RBM47: variants seen among roughly 807,000 people sequenced by gnomAD.
RBM47 encodes RNA-binding protein 47.
In RBM47, 21 loss-of-function variants were observed where a neutral mutation model predicts 47.1. The ratio of observed to expected loss-of-function variants is 0.45; its 90% CI spans 0.32 to 0.64. The LOEUF is 0.64. RBM47 is among the 30% of genes least tolerant of loss of function. The pLI is 0.05. For missense variants in RBM47, 708 were observed against 870.9 expected, an observed-to-expected ratio of 0.81 and a Z score of 2.35; for synonymous variants, 375 against 361.7, an observed-to-expected ratio of 1.04 and a Z score of -0.42.
intron 2 of RBM47, among the ~76,000 whole-genome samples, chr4:40,514,984 A>G (rs1725403710): frequency 6.6e-6 from 1 of 152,272 alleles, no homozygotes; most frequent in South Asian, 2.1e-4. Context: ...ATGTAGACGC[A>G]GTAGCATCTC....
chr4:40,576,256 T>G (rs13116819), intron 1 of RBM47, among the ~76,000 whole-genome samples: 10,404 of 116,626 alleles, frequency 0.089, 571 homozygotes, highest in African/African-American at 0.21. Flanking sequence ...TTTTTTTTTT[T>G]GGGGGGGGGC....
intron 1 of RBM47, among the ~76,000 whole-genome samples, chr4:40,566,178 TAC>T (rs1731086728): frequency 6.6e-6 from 1 of 152,196 alleles, no homozygotes; most frequent in Non-Finnish European, 1.5e-5. Flanking sequence ...TGGAAGTGGC[TAC>T]ACATTATTGA....
rs1250251569 is a variant in RBM47, at chr4:40,561,552, T to C, written c.-239-17046A>G. On this transcript the variant is annotated intron_variant, in intron 1 of 6. Coordinates refer to ENST00000295971, the MANE Select transcript of RBM47 (RefSeq NM_001098634.2). ...TTTTTGCTTCTTCTTTTCTTTTTTT[T>C]TTCTTTTTTTTTTTTGAGACAGGGT... is the stretch of plus-strand genomic sequence containing the variant. Among the ~76,000 whole-genome samples the C allele has an allele frequency of 3.2e-3, 450 of 142,074 alleles. 8 individuals are homozygous for C. In the East Asian group the frequency reaches 0.056, roughly 18 times the overall value. 93.2% of individuals were successfully genotyped at this position (142,074 alleles called of 152,430 possible). A position where few individuals can be genotyped will look rare whatever the true frequency, so the allele number is the denominator to read the frequency against.
chr4:40,501,056 C>A (rs1002491858), intron 2 of RBM47, among the ~76,000 whole-genome samples: 40 of 150,816 alleles, frequency 2.7e-4, no homozygotes, highest in East Asian at 1.4e-3. Flanking sequence ...AAAAAAAAAA[C>A]AAAACAGCAA....
At chr4:40,488,258 G>A (rs1477679456) in intron 2 of RBM47, among the ~76,000 whole-genome samples, 4 of 147,330 alleles carry the variant, frequency 2.7e-5, no homozygotes, top group Non-Finnish European at 6.0e-5. Context: ...AGGCTGCAGT[G>A]AGCAGAGGTT....
intron 1 of RBM47, among the ~76,000 whole-genome samples, chr4:40,574,845 G>T (rs1369799505): frequency 1.3e-5 from 2 of 152,094 alleles, no homozygotes; most frequent in Admixed American, 6.6e-5. Context: ...GTGAGACTCT[G>T]TATCAAAGAA....
intron 2 of RBM47, among the ~76,000 whole-genome samples, chr4:40,538,328 G>GTTTTTTT (rs34309510): frequency 7.9e-6 from 1 of 125,808 alleles, no homozygotes; most frequent in African/African-American, 3.1e-5. Flanking sequence ...TATTGGTATT[G>GTTTTTTT]TTTTTTTTTT....
At chr4:40,551,540 A>G (rs1729557618) in intron 1 of RBM47, among the ~76,000 whole-genome samples, 1 of 152,186 alleles carries the variant, frequency 6.6e-6, no homozygotes, top group South Asian at 2.1e-4. Flanking sequence ...GGCAAGCAGA[A>G]TCCAGATCTC....
At chr4:40,443,092 A>G (rs1713905799) in intron 3 of RBM47, among the ~76,000 whole-genome samples, 1 of 152,246 alleles carries the variant, frequency 6.6e-6, no homozygotes, top group Admixed American at 6.5e-5. Context: ...TTCCACTTAT[A>G]TAAGGTACCT....
At chr4:40,619,655 C>T (rs1272238445) in intron 1 of RBM47, among the ~76,000 whole-genome samples, 4 of 152,114 alleles carry the variant, frequency 2.6e-5, no homozygotes, top group Admixed American at 6.5e-5. Context: ...CTCCATCTAG[C>T]GAAGATGGAC....
chr4:40,432,970 C>A (rs1443135167), intron 5 of RBM47, 108 bp from the exon 6 acceptor site: 2 of 1,432,778 alleles, frequency 1.4e-6, no homozygotes, highest in Non-Finnish European at 1.8e-6. Flanking sequence ...AAAAACTTTT[C>A]TTTTTTTTGA....
intron 1 of RBM47, among the ~76,000 whole-genome samples, chr4:40,548,992 G>C (rs1314438190): frequency 6.6e-6 from 1 of 151,720 alleles, no homozygotes; most frequent in East Asian, 1.9e-4. Context: ...TGATCAATGA[G>C]AAAATGAGTT....
At chr4:40,481,609 T>C (rs559764579) in intron 2 of RBM47, among the ~76,000 whole-genome samples, 1 of 149,948 alleles carries the variant, frequency 6.7e-6, no homozygotes, top group African/African-American at 2.5e-5. Context: ...TAGAGTGCAG[T>C]GGCATGATCT....
chr4:40,600,591 T>G (rs1444950671), intron 1 of RBM47, among the ~76,000 whole-genome samples: 16 of 143,270 alleles, frequency 1.1e-4, no homozygotes, highest in African/African-American at 2.6e-4. Context: ...CGGAGATCGC[T>G]CCACTGCACT....
rs894735137 is a variant in RBM47, at chr4:40,628,240, T to G, written c.-240+1156A>C. 6.6e-6 allele frequency among the ~76,000 whole-genome samples: 1 copy of G among 152,094 alleles called. No individual in the cohort carries two copies. The highest frequency in any genetic ancestry group is 6.6e-5 in the Admixed American group (1 of 15,252). ...AAAAAATATTAAAAACCAAACCATC[T>G]CCTCCTTTCTTTTTTTCCTTCTGTT... On this transcript the variant is annotated intron_variant, in intron 1 of 6. Coordinates refer to ENST00000295971, the MANE Select transcript of RBM47 (RefSeq NM_001098634.2). This position sits in a 1 kb window ranked among gnomAD's most constrained non-coding sequence, Gnocchi z 4.0.
At chr4:40,573,580 A>C (rs1230946471) in intron 1 of RBM47, among the ~76,000 whole-genome samples, 2 of 150,722 alleles carry the variant, frequency 1.3e-5, no homozygotes, top group Non-Finnish European at 2.9e-5. Flanking sequence ...CCATCTCTAC[A>C]AAAAATACAA....
chr4:40,610,773 C>T (rs904276782), intron 1 of RBM47, among the ~76,000 whole-genome samples: 10 of 152,004 alleles, frequency 6.6e-5, no homozygotes, highest in East Asian at 5.8e-4. Context: ...TCATGGGGGC[C>T]GGTCTTTTCC....
chr4:40,482,124 T>C (rs1039155053), intron 2 of RBM47, among the ~76,000 whole-genome samples: 1 of 152,216 alleles, frequency 6.6e-6, no homozygotes, highest in Non-Finnish European at 1.5e-5. Context: ...TACACAGAAA[T>C]GGAACAGCAT....
intron 2 of RBM47, among the ~76,000 whole-genome samples, chr4:40,510,746 C>A (rs192920001): frequency 7.2e-4 from 110 of 152,192 alleles, no homozygotes; most frequent in African/African-American, 2.5e-3. Context: ...CACTGAGGAA[C>A]CAGAAATGTT....
Sources: gnomAD v4.1 joint callset for allele counts (sites outside exome capture counted in the v4.1 genomes callset) on GRCh38, gnomAD v4.1.1 for gene constraint, Gnocchi (gnomAD v3.1) non-coding constraint, MANE v1.5 for transcripts, NCBI Gene and HGNC (gene_info 2026-07-23, HGNC 2026-07-21) for gene names.